The following PTGES variants were observed in gnomAD, a reference collection of about 807,000 sequenced individuals.
PTGES encodes prostaglandin E synthase.
In PTGES, 3 loss-of-function variants were observed where a neutral mutation model predicts 11.8. The ratio of observed to expected loss-of-function variants is 0.25; its 90% CI spans 0.12 to 0.66. The LOEUF (loss-of-function observed/expected upper bound fraction) is 0.66. Ranked by LOEUF, PTGES falls within the 30% of genes least tolerant of loss-of-function variation. The probability of loss-of-function intolerance (pLI) is 0.82; values close to 1 mark genes in which losing one functional copy is unlikely to be tolerated. For synonymous variants in PTGES, 94 were observed against 90.4 expected (o/e 1.04, Z -0.22); for missense variants, 180 against 213.0 (o/e 0.85, Z 0.96).
At chr9:129,750,086 A>G (rs1206372966) in intron 1 of PTGES, among the ~76,000 whole-genome samples, 1 of 152,208 alleles carries the variant, frequency 6.6e-6, no homozygotes, top group African/African-American at 2.4e-5. Context: ...GTGCTCAGTG[A>G]ATTGTCACTT....
chr9:129,741,074 G>T (rs984992427), intron 2 of PTGES, among the ~76,000 whole-genome samples: 30 of 152,346 alleles, frequency 2.0e-4, no homozygotes, highest in Admixed American at 1.4e-3. Context: ...GAAAGAGGGG[G>T]CCTGGAGTGC....
chr9:129,744,483 G>A (rs1430710962), intron 2 of PTGES, among the ~76,000 whole-genome samples: 1 of 146,710 alleles, frequency 6.8e-6, no homozygotes, highest in Non-Finnish European at 1.5e-5. Context: ...GCTGAGGTGA[G>A]AAGATCGTTT....
chr9:129,743,183 G>A (rs1415069232), intron 2 of PTGES, among the ~76,000 whole-genome samples: 1 of 152,156 alleles, frequency 6.6e-6, no homozygotes, highest in African/African-American at 2.4e-5. Context: ...AGCTCTGACT[G>A]TCAGCCCCTG....
At chr9:129,748,791 T>G in intron 1 of PTGES, 54 bp from the exon 2 acceptor site, 1 of 1,446,656 alleles carries the variant, frequency 6.9e-7, no homozygotes, top group Non-Finnish European at 9.5e-7. Flanking sequence ...CCCAGTCACC[T>G]GGGGCTATGT....
At chr9:129,746,251 G>A (rs1315760603) in intron 2 of PTGES, among the ~76,000 whole-genome samples, 1 of 152,104 alleles carries the variant, frequency 6.6e-6, no homozygotes, top group East Asian at 1.9e-4. Flanking sequence ...TGGCTGCTGT[G>A]AGCTGGCCCC....
intron 2 of PTGES, among the ~76,000 whole-genome samples, chr9:129,743,477 T>C (rs185619588): frequency 6.6e-6 from 1 of 152,364 alleles, no homozygotes; most frequent in Non-Finnish European, 1.5e-5. Context: ...TATTGCCTCC[T>C]GCAGCATCAG....
Position 129,738,915 on chromosome 9 carries a change from A to C in PTGES, c.*696T>G, listed in dbSNP as rs1479888300. The C allele has an allele frequency of 6.6e-6, 1 of 152,344 alleles. No homozygotes were observed. Among genetic ancestry groups the C allele is most frequent in the Non-Finnish European group, 1.5e-5 (1 of 68,158 alleles). 9.4% of individuals were successfully genotyped at this position (152,344 alleles called of 1,614,324 possible). On this transcript the variant is annotated 3_prime_UTR_variant, in exon 3 of 3. Transcript: ENST00000340607. The surrounding 1 kb of genome is among the most constrained non-coding windows in gnomAD (Gnocchi z 4.2). ...TTTGGGAGGCCGAGGCCGGTGGATC[A>C]CTTGAGGCCAGGAGTTCGAGACCCT...
intron 2 of PTGES, among the ~76,000 whole-genome samples, chr9:129,744,004 A>T (rs1202594827): frequency 6.6e-6 from 1 of 152,010 alleles, no homozygotes; most frequent in Non-Finnish European, 1.5e-5. Context: ...GAGCCCCACC[A>T]CGCCTGGTTA....
intron 1 of PTGES, among the ~76,000 whole-genome samples, chr9:129,751,135 T>C (rs1833102212): frequency 6.6e-6 from 1 of 152,076 alleles, no homozygotes; most frequent in Non-Finnish European, 1.5e-5. Flanking sequence ...GAGACCAGCC[T>C]GGGCAACATG....
chr9:129,750,486 A>C lies in PTGES; in HGVS notation c.127-1749T>G, dbSNP rs576469411. Reference sequence around the variant, plus strand: ...CAAGGGGCCTCAGCATACAGTGGGCACTGCCTTTAGGAGTCCACTGCCCAT... The same window carrying C: ...CAAGGGGCCTCAGCATACAGTGGGCCCTGCCTTTAGGAGTCCACTGCCCAT... On this transcript the variant is annotated intron_variant, in intron 1 of 2. Transcript: ENST00000340607. 1.7e-4 allele frequency among the ~76,000 whole-genome samples: 26 copies of C among 152,296 alleles called. No homozygotes were observed. In the East Asian group the frequency reaches 2.1e-3, roughly 12 times the overall value.
intron 1 of PTGES, 123 bp downstream of exon 1, chr9:129,752,764 G>C: frequency 1.4e-6 from 2 of 1,458,550 alleles, no homozygotes; most frequent in East Asian, 2.3e-5. Context: ...GGGGCTGGAA[G>C]AGGTGCTCAC....
intron 2 of PTGES, among the ~76,000 whole-genome samples, chr9:129,746,930 T>A (rs1429744798): frequency 6.6e-6 from 1 of 152,238 alleles, no homozygotes; most frequent in African/African-American, 2.4e-5. Flanking sequence ...TTGTTTTTTT[T>A]GAGATGGAGT....
chr9:129,752,825 C>T, intron 1 of PTGES, 62 bp downstream of exon 1: 1 of 1,612,320 alleles, frequency 6.2e-7, no homozygotes, highest in Non-Finnish European at 8.5e-7. Flanking sequence ...CGGGGCTTTC[C>T]TGACAGGACG....
Position 129,738,589 on chromosome 9 carries a change from A to G in PTGES, c.*1022T>C. The G allele has an allele frequency of 6.6e-6, 1 of 152,278 alleles. No individual in the cohort carries two copies. Among genetic ancestry groups the G allele is most frequent in the African/African-American group, 2.4e-5 (1 of 41,444 alleles). The allele number at this position is 152,278 out of a possible 1,614,324, so 9.4% of individuals were successfully genotyped here. A position where few individuals can be genotyped will look rare whatever the true frequency, so the allele number is the denominator to read the frequency against. ...CCCACTGCCCTTTGGAGGGACTCAA[A>G]CCTTGGGAGGAGAAGGCTGAGCTTC... On this transcript the variant is annotated 3_prime_UTR_variant, in exon 3 of 3. Transcript: ENST00000340607. The surrounding 1 kb of genome is among the most constrained non-coding windows in gnomAD (Gnocchi z 4.2).
rs45542641 is a variant in PTGES at position 129,748,369 on chromosome 9, G to A, written c.209+286C>T. On this transcript the variant is annotated intron_variant, in intron 2 of 2. Coordinates refer to ENST00000340607, the MANE Select transcript of PTGES (RefSeq NM_004878.5). ...GCCATTGGCAGGAGTGTTTGCCCCT[G>A]GCCAGTAGAACTGCGTAGTGCCTGG... Among the ~76,000 whole-genome samples the A allele has an allele frequency of 2.3e-3, 351 of 152,244 alleles. 4 individuals are homozygous for A. Among genetic ancestry groups the A allele is most frequent in the African/African-American group, 8.1e-3 (335 of 41,546 alleles).
intron 2 of PTGES, among the ~76,000 whole-genome samples, chr9:129,747,124 G>GCTGGCCTAGAACT (rs45594636): frequency 0.12 from 17,566 of 152,180 alleles, 1,139 homozygotes; most frequent in East Asian, 0.2. Context: ...TGTTGGCCAG[G>GCTGGCCTAGAACT]CCTGACCTCA....
Position 129,739,708 on chromosome 9 carries a change from A to G in PTGES, c.362T>C (p.Leu121Pro). ...GGTCACGGAGCGGATGGGTGCCCGC[A>G]GCTTCCCCAGGTAGGCCACGGTGTG... is the stretch of plus-strand genomic sequence containing the variant. The part of the protein sequence containing the change: ...VAHTVAYLGK[L>P]RAPIRSVTYT... The change falls in exon 3 of 3, where the codon CTG becomes CCG. Residue 121 changes from leucine (L) to proline (P), a missense_variant. Leu to Pro is a moderately conservative substitution (Grantham distance 98, BLOSUM62 -3). Coordinates refer to ENST00000340607, the MANE Select transcript of PTGES (RefSeq NM_004878.5). The surrounding 1 kb of genome is among the most constrained non-coding windows in gnomAD (Gnocchi z 5.7). 6.4e-7 allele frequency: 1 copy of G among 1,573,094 alleles called. No homozygotes were observed. The highest frequency in any genetic ancestry group is 8.6e-7 in the Non-Finnish European group (1 of 1,159,142).
chr9:129,752,243 G>A (rs573150190), intron 1 of PTGES, among the ~76,000 whole-genome samples: 2 of 152,300 alleles, frequency 1.3e-5, no homozygotes, highest in South Asian at 2.1e-4. Context: ...GCATTCTGCC[G>A]CCAGGACAGC....
chr9:129,749,443 T>G (rs1365436434), intron 1 of PTGES: 1 of 151,872 alleles, frequency 6.6e-6, no homozygotes, highest in Non-Finnish European at 1.5e-5. Context: ...AGCTCAGGAG[T>G]TCAAGACCAG....
Sources: allele counts gnomAD v4.1 joint callset (sites outside exome capture counted in the v4.1 genomes callset), GRCh38; gene constraint gnomAD v4.1.1; non-coding constraint Gnocchi (gnomAD v3.1); transcripts MANE v1.5; gene names NCBI Gene and HGNC (gene_info 2026-07-23, HGNC 2026-07-21).